AGBL4: variants seen among roughly 807,000 people sequenced by gnomAD.
The protein encoded by AGBL4 is cytosolic carboxypeptidase 6.
Under a neutral mutation model 66.4 loss-of-function variants are expected in AGBL4, and 58 were observed. The ratio of observed to expected loss-of-function variants is 0.87; its 90% CI spans 0.71 to 1.09. The LOEUF is 1.09. Ranked by LOEUF, AGBL4 falls within the 50% of genes least tolerant of loss-of-function variation. The pLI is 0.00. For synonymous variants in AGBL4, 234 were observed against 222.9 expected, an observed-to-expected ratio of 1.05 and a Z score of -0.44; for missense variants, 579 against 631.0, an observed-to-expected ratio of 0.92 and a Z score of 0.88.
chr1:49,928,863 C>T (rs1218450417), intron 1 of AGBL4, among the ~76,000 whole-genome samples: 1 of 151,866 alleles, frequency 6.6e-6, no homozygotes, highest in African/African-American at 2.4e-5. Flanking sequence ...GACACATGCA[C>T]CCATATGTTC....
chr1:48,777,310 G>C lies in AGBL4; in HGVS notation c.634+89881C>G, dbSNP rs540726878. On this transcript the variant is annotated intron_variant, in intron 6 of 13. Coordinates refer to ENST00000371839, the MANE Select transcript of AGBL4 (RefSeq NM_032785.4). ...AAACTGCATTGCCAAGTAGAGAAGT[G>C]TATGAGTGAGTGAATGCGGGATAGG... 5.9e-5 allele frequency among the ~76,000 whole-genome samples: 9 copies of C among 152,158 alleles called. No individual in the cohort carries two copies. In the South Asian group the frequency reaches 1.9e-3, roughly 32 times the overall value.
chr1:48,863,886 G>C (rs2148820999), intron 6 of AGBL4, among the ~76,000 whole-genome samples: 1 of 152,134 alleles, frequency 6.6e-6, no homozygotes, highest in African/African-American at 2.4e-5. Context: ...AGATAGGGAG[G>C]ATTTCTTAAA....
At chr1:49,199,196 G>A (rs1219547974) in intron 4 of AGBL4, among the ~76,000 whole-genome samples, 4 of 152,178 alleles carry the variant, frequency 2.6e-5, no homozygotes, top group Admixed American at 2.6e-4. Flanking sequence ...CGGATGCAGA[G>A]AGGTTACACA....
intron 6 of AGBL4, among the ~76,000 whole-genome samples, chr1:48,865,474 G>A (rs551089334): frequency 6.6e-6 from 1 of 152,076 alleles, no homozygotes; most frequent in African/African-American, 2.4e-5. Context: ...CACCTTTTGG[G>A]ATGCCCTGGC....
chr1:49,278,198 C>CT lies in AGBL4; in HGVS notation c.283-32335dup, dbSNP rs796178260. Among the ~76,000 whole-genome samples the CT allele has an allele frequency of 3.6e-4, 54 of 148,714 alleles. No homozygotes were observed. The South Asian group carries it at 5.6e-3, about 15-fold the overall frequency. ...ATATAACAAACCATTCTGTGTCCCT[C>CT]TTTTTTTTTTCATTTTGAAAATTAT... On this transcript the variant is annotated intron_variant, in intron 3 of 13. Transcript: ENST00000371839.
intron 1 of AGBL4, among the ~76,000 whole-genome samples, chr1:49,963,183 C>T (rs948237439): frequency 3.9e-5 from 6 of 152,148 alleles, no homozygotes; most frequent in African/African-American, 1.2e-4. Flanking sequence ...AACTGCAACA[C>T]TTACAAAGAA....
intron 4 of AGBL4, among the ~76,000 whole-genome samples, chr1:49,118,471 T>A (rs1407383425): frequency 6.6e-6 from 1 of 151,608 alleles, no homozygotes; most frequent in African/African-American, 2.4e-5. Context: ...TTTATAGAGA[T>A]AATCATGTGT....
chr1:49,759,296 G>A (rs1476923873), intron 2 of AGBL4, among the ~76,000 whole-genome samples: 1 of 152,040 alleles, frequency 6.6e-6, no homozygotes, highest in East Asian at 1.9e-4. Flanking sequence ...AAAACCAGTA[G>A]CCCCTGTATA....
intron 4 of AGBL4, among the ~76,000 whole-genome samples, chr1:49,081,633 C>T (rs996446738): frequency 6.6e-6 from 1 of 152,176 alleles, no homozygotes; most frequent in Admixed American, 6.5e-5. Flanking sequence ...GGCAAGAAGT[C>T]CTCTGCTTCT....
At chr1:49,117,098 C>T (rs1404654479) in intron 4 of AGBL4, among the ~76,000 whole-genome samples, 11 of 149,734 alleles carry the variant, frequency 7.3e-5, no homozygotes, top group Non-Finnish European at 1.3e-4. Flanking sequence ...TGTTTGAGTT[C>T]TTTGTAGATT....
At chr1:49,088,610 T>C (rs1341951487) in intron 4 of AGBL4, among the ~76,000 whole-genome samples, 1 of 152,138 alleles carries the variant, frequency 6.6e-6, no homozygotes, top group African/African-American at 2.4e-5. Context: ...AGCAAGTTCT[T>C]AGAGACCTAC....
intron 3 of AGBL4, among the ~76,000 whole-genome samples, chr1:49,572,489 A>T (rs1419314669): frequency 1.3e-5 from 2 of 152,132 alleles, no homozygotes; most frequent in Admixed American, 6.6e-5. Flanking sequence ...CAATTTGTTT[A>T]TCTTTTCAAA....
At chr1:49,958,016 T>C (rs570564196) in intron 1 of AGBL4, among the ~76,000 whole-genome samples, 192 of 152,156 alleles carry the variant, frequency 1.3e-3, no homozygotes, top group Non-Finnish European at 2.2e-3. Flanking sequence ...CCTTTCCATG[T>C]TTAGTGCTTC....
At chr1:48,695,276 A>C (rs915118588) in intron 6 of AGBL4, among the ~76,000 whole-genome samples, 22 of 152,328 alleles carry the variant, frequency 1.4e-4, no homozygotes, top group African/African-American at 5.3e-4. Flanking sequence ...TGCCCACATC[A>C]GACTAATCAC....
chr1:48,879,376 T>A (rs1649540885), intron 5 of AGBL4, among the ~76,000 whole-genome samples: 1 of 152,112 alleles, frequency 6.6e-6, no homozygotes, highest in Non-Finnish European at 1.5e-5. Context: ...CCTTTCTTTG[T>A]TACTGAAAAA....
At chr1:48,523,881 C>G in the AGBL4 span, among the ~76,000 whole-genome samples, 1 of 152,176 alleles carries the variant, frequency 6.6e-6, no homozygotes. Flanking sequence ...CCTATGGCTC[C>G]TAGGCTACAA....
At chr1:49,987,101 G>A (rs780848385) in intron 1 of AGBL4, among the ~76,000 whole-genome samples, 11 of 151,998 alleles carry the variant, frequency 7.2e-5, no homozygotes, top group Non-Finnish European at 1.3e-4. Context: ...GAAAAAAACA[G>A]ATCTGTAAAA....
chr1:49,754,497 T>C (rs1651736936), intron 2 of AGBL4, among the ~76,000 whole-genome samples: 1 of 152,144 alleles, frequency 6.6e-6, no homozygotes, highest in African/African-American at 2.4e-5. Flanking sequence ...CCAGGCCCTG[T>C]TTGCCTGGAT....
At chr1:48,710,767 C>A (rs1310100587) in intron 6 of AGBL4, among the ~76,000 whole-genome samples, 1 of 152,132 alleles carries the variant, frequency 6.6e-6, no homozygotes, top group Non-Finnish European at 1.5e-5. Flanking sequence ...GCTGGGAAGA[C>A]CTAAAGATGA....
Sources: gnomAD v4.1 joint callset for allele counts (sites outside exome capture counted in the v4.1 genomes callset) on GRCh38, gnomAD v4.1.1 for gene constraint, MANE v1.5 for transcripts, NCBI Gene and HGNC (gene_info 2026-07-23, HGNC 2026-07-21) for gene names.